Variants in SCN9A observed in about 807,000 individuals in gnomAD.
SCN9A encodes sodium channel protein type 9 subunit alpha.
In SCN9A, 131 loss-of-function variants were observed where a neutral mutation model predicts 187.0. That is an observed-to-expected ratio of 0.70 (90% CI 0.61 to 0.81). The LOEUF (loss-of-function observed/expected upper bound fraction) is 0.81, where lower values mean the gene tolerates loss of function less well. Ranked by LOEUF, SCN9A falls within the 30% of genes least tolerant of loss-of-function variation. SCN9A has a pLI of 0.00. For missense variants in SCN9A, 2,252 were observed against 2,396.6 expected, an observed-to-expected ratio of 0.94 and a Z score of 1.26; for synonymous variants, 809 against 808.6, an observed-to-expected ratio of 1.00 and a Z score of -0.01.
intron 18 of SCN9A, among the ~76,000 whole-genome samples, chr2:166,246,451 G>A (rs893989010): frequency 6.6e-6 from 1 of 151,852 alleles, no homozygotes; most frequent in Non-Finnish European, 1.5e-5. Flanking sequence ...CATGCATTTA[G>A]TTAAGAGAGA....
chr2:166,207,754 T>C (rs1167832502), intron 24 of SCN9A, among the ~76,000 whole-genome samples: 1 of 152,170 alleles, frequency 6.6e-6, no homozygotes, highest in African/African-American at 2.4e-5. Context: ...TTAGAGTGTT[T>C]TAATTCAGCT....
intron 9 of SCN9A, among the ~76,000 whole-genome samples, chr2:166,292,322 A>G (rs759593360): frequency 2.9e-4 from 44 of 152,274 alleles, no homozygotes; most frequent in Non-Finnish European, 5.4e-4. Context: ...CTGATATTAA[A>G]TGAAAAATAA....
At chr2:166,296,366 A>T (rs1470557479) in intron 7 of SCN9A, among the ~76,000 whole-genome samples, 1 of 152,230 alleles carries the variant, frequency 6.6e-6, no homozygotes, top group Non-Finnish European at 1.5e-5. Context: ...TCATCATTTT[A>T]TCTTACTTAG....
At chr2:166,249,156 G>A (rs529956240) in intron 18 of SCN9A, among the ~76,000 whole-genome samples, 4 of 151,992 alleles carry the variant, frequency 2.6e-5, no homozygotes, top group African/African-American at 9.6e-5. Flanking sequence ...CGGAAGAAAC[G>A]CCACCTTTAT....
In SCN9A at chr2:166,204,097, A is replaced by T. The variant is rs763863732; in HGVS notation, c.4632T>A (p.Thr1544=). 1.2e-6 allele frequency: 2 copies of T among 1,612,846 alleles called. No homozygotes were observed. Among genetic ancestry groups the T allele is most frequent in the East Asian group, 2.2e-5 (1 of 44,782 alleles). Reference sequence around the variant, plus strand: ...CCACATTTATCCAATATAAAACTTCAGTCATATGTTGACTTTGACCCTCCT... The same window carrying T: ...CCACATTTATCCAATATAAAACTTCTGTCATATGTTGACTTTGACCCTCCT... ...VEKEGQSQHM[T]EVLYWINVVF... is the part of the protein sequence containing the mutation. Residue 1544 remains threonine, a synonymous_variant, in exon 26 of 27, where the codon ACT becomes ACA. Coordinates refer to ENST00000642356, the MANE Select transcript of SCN9A (RefSeq NM_001365536.1).
intron 1 of SCN9A, among the ~76,000 whole-genome samples, chr2:166,368,431 C>T (rs768991354): frequency 2.0e-5 from 3 of 152,090 alleles, no homozygotes; most frequent in Admixed American, 6.6e-5. Flanking sequence ...GTCAGGAATT[C>T]GAGACTAGTC....
chr2:166,362,882 G>A (rs971153356), intron 1 of SCN9A, among the ~76,000 whole-genome samples: 1 of 151,956 alleles, frequency 6.6e-6, no homozygotes, highest in Non-Finnish European at 1.5e-5. Flanking sequence ...TCTAACTGAT[G>A]AATTGACCTG....
At position 166,325,799 on chromosome 2, in the gene SCN9A, A is replaced by T. The variant is rs548693261; in HGVS notation, c.-50-13993T>A. On this transcript the variant is annotated intron_variant, in intron 1 of 26. Transcript: ENST00000642356. Reference sequence around the variant, plus strand: ...ATTCTCATTTTACTGAGCTCTGAACACCTGATAACATCATCAGAGCAAGAC... The same window carrying T: ...ATTCTCATTTTACTGAGCTCTGAACTCCTGATAACATCATCAGAGCAAGAC... Among the ~76,000 whole-genome samples, 3 of 152,282 alleles carry T rather than the reference A, an allele frequency of 2.0e-5. No homozygotes were observed. In the East Asian group the frequency reaches 5.8e-4, roughly 29 times the overall value.
chr2:166,225,501 C>A (rs757993513), intron 24 of SCN9A, among the ~76,000 whole-genome samples: 15 of 152,092 alleles, frequency 9.9e-5, no homozygotes, highest in African/African-American at 2.2e-4. Context: ...ATCACATACT[C>A]GATATATGAC....
At position 166,233,383 on chromosome 2, in the gene SCN9A, G is replaced by A. The variant is rs2106395566; in HGVS notation, c.3881C>T (p.Ala1294Val). The change falls in exon 21 of 27, where the codon GCT becomes GTT. Residue 1294 changes from alanine (A) to valine (V), a missense_variant. Around this residue, in one of 7 missense-constraint regions of SCN9A, gnomAD observed 368 missense variants for 408.6 expected, o/e 0.90. Coordinates refer to ENST00000642356, the MANE Select transcript of SCN9A (RefSeq NM_001365536.1). ...GPIKSLRTLRALRPLRALSRF... is the reference protein window; with the variant it reads ...GPIKSLRTLRVLRPLRALSRF... Reference sequence around the variant, plus strand: ...AGATAAGGCTCTTAGAGGTCTTAAAGCTCTCAGTGTCCGAAGGGATTTAAT... The same window carrying A: ...AGATAAGGCTCTTAGAGGTCTTAAAACTCTCAGTGTCCGAAGGGATTTAAT... 6.3e-7 allele frequency: 1 copy of A among 1,576,222 alleles called. No individual in the cohort carries two copies.
rs749806397 is a variant in SCN9A, at chr2:166,251,831, C to CAGGCAA, written c.3400_3405dup (p.Leu1134_Pro1135dup). On this transcript the variant is annotated inframe_insertion, in exon 18 of 27. Transcript: ENST00000642356. The stretch of plus-strand genomic sequence containing the variant: ...TCAGCCTCTGCTTCTTCTCCTTCTC[C>CAGGCAA]AGGCAAAGGGTTATCAACTGTGCTG... 26 of 1,612,520 alleles carry CAGGCAA rather than the reference C, an allele frequency of 1.6e-5. 1 individual carries two copies. The Admixed American group carries it at 4.2e-4, about 26-fold the overall frequency.
intron 24 of SCN9A, among the ~76,000 whole-genome samples, chr2:166,209,889 G>A (rs1326006522): frequency 6.6e-6 from 1 of 152,216 alleles, no homozygotes; most frequent in Non-Finnish European, 1.5e-5. Context: ...CACTGTGGAA[G>A]TCCGTGTGGC....
At chr2:166,310,051 T>C (rs1359697557) in intron 2 of SCN9A, among the ~76,000 whole-genome samples, 1 of 119,896 alleles carries the variant, frequency 8.3e-6, no homozygotes, top group Non-Finnish European at 1.8e-5. Flanking sequence ...TAGCCATATG[T>C]AGAAAGCTGA....
At chr2:166,257,738 T>C (rs1276630696) in intron 17 of SCN9A, among the ~76,000 whole-genome samples, 1 of 151,548 alleles carries the variant, frequency 6.6e-6, no homozygotes, top group Non-Finnish European at 1.5e-5. Flanking sequence ...TATATATTTC[T>C]AGAAATAGCT....
At chr2:166,355,636 A>G (rs2105305969) in intron 1 of SCN9A, among the ~76,000 whole-genome samples, 1 of 152,196 alleles carries the variant, frequency 6.6e-6, no homozygotes, top group East Asian at 1.9e-4. Flanking sequence ...GTTTTCAAAA[A>G]TGAATAGAAA....
At chr2:166,241,791 C>T (rs1385525848) in intron 19 of SCN9A, among the ~76,000 whole-genome samples, 1 of 152,110 alleles carries the variant, frequency 6.6e-6, no homozygotes, top group East Asian at 1.9e-4. Flanking sequence ...TTGCTCTGAG[C>T]TCCTTAAGAA....
rs564532578 is a variant in SCN9A at position 166,231,028 on chromosome 2, TAACA to T, written c.3925-2060_3925-2057del. On this transcript the variant is annotated intron_variant, in intron 21 of 26. Transcript: ENST00000642356. The stretch of plus-strand genomic sequence containing the variant: ...GAATAAATGTCTCTTTTTGCATGGT[TAACA>T]AATGTAACTAAATAGACATTTGCCT... 3.0e-4 allele frequency among the ~76,000 whole-genome samples: 45 copies of T among 152,324 alleles called. No homozygotes were observed. The South Asian group carries it at 9.3e-3, about 32-fold the overall frequency.
rs1698448904 is a variant in SCN9A, at chr2:166,299,174, A to AGAGAACAT, written c.901+3915_901+3916insATGTTCTC. ...ATTCATATATAACTACTCATTCATT[A>AGAGAACAT]TCACTAGCAAAACATCCATACAAAA... On this transcript the variant is annotated intron_variant, in intron 7 of 26. Coordinates refer to ENST00000642356, the MANE Select transcript of SCN9A (RefSeq NM_001365536.1). 1.9e-3 allele frequency among the ~76,000 whole-genome samples: 268 copies of AGAGAACAT among 144,572 alleles called. 21 individuals carry two copies. Among genetic ancestry groups the AGAGAACAT allele is most frequent in the African/African-American group, 7.2e-3 (249 of 34,360 alleles). The allele number at this position is 144,572 out of a possible 152,430, so 94.8% of individuals were successfully genotyped here. A position where few individuals can be genotyped will look rare whatever the true frequency, so the allele number is the denominator to read the frequency against.
At chr2:166,208,742 G>A (rs1693938358) in intron 24 of SCN9A, among the ~76,000 whole-genome samples, 1 of 152,172 alleles carries the variant, frequency 6.6e-6, no homozygotes, top group Admixed American at 6.5e-5. Context: ...AGTTGATAGA[G>A]CCATAAGCTT....
Sources: allele counts gnomAD v4.1 joint callset (sites outside exome capture counted in the v4.1 genomes callset), GRCh38; gene constraint gnomAD v4.1.1; regional missense constraint gnomAD v4.1.1; transcripts MANE v1.5; gene names NCBI Gene and HGNC (gene_info 2026-07-23, HGNC 2026-07-21).